Variants in NTNG1 observed in about 807,000 individuals in gnomAD.
NTNG1 encodes the protein netrin G1, also known as netrin-G1.
A neutral mutation model predicts 54.0 loss-of-function variants in NTNG1; 16 were observed. The ratio of observed to expected loss-of-function variants is 0.30; its 90% CI spans 0.20 to 0.45. The LOEUF (loss-of-function observed/expected upper bound fraction) is 0.45, where lower values mean the gene tolerates loss of function less well. Among genes scored for constraint, NTNG1 ranks in the 20% least tolerant of loss-of-function variants. The pLI is 1.00. For missense variants in NTNG1, 530 were observed against 678.7 expected, an observed-to-expected ratio of 0.78 and a Z score of 2.43; for synonymous variants, 255 against 263.1, an observed-to-expected ratio of 0.97 and a Z score of 0.30.
At chr1:107,294,571 A>G (rs1275367540) in intron 2 of NTNG1, among the ~76,000 whole-genome samples, 1 of 152,200 alleles carries the variant, frequency 6.6e-6, no homozygotes, top group Non-Finnish European at 1.5e-5. Flanking sequence ...AATCGGTAAT[A>G]GCACCTTCAC....
intron 3 of NTNG1, among the ~76,000 whole-genome samples, chr1:107,353,157 A>T (rs1325185791): frequency 6.6e-6 from 1 of 152,182 alleles, no homozygotes; most frequent in Non-Finnish European, 1.5e-5. Flanking sequence ...TCTCCTAAAA[A>T]TGGGCTTTTC....
chr1:107,383,466 G>A (rs900083703), intron 3 of NTNG1, among the ~76,000 whole-genome samples: 1 of 152,170 alleles, frequency 6.6e-6, no homozygotes, highest in East Asian at 1.9e-4. Flanking sequence ...TTTCACTTAT[G>A]TGGTTCTATA....
At chr1:107,404,984 A>C (rs1417192709) in intron 4 of NTNG1, among the ~76,000 whole-genome samples, 1 of 152,092 alleles carries the variant, frequency 6.6e-6, no homozygotes, top group African/African-American at 2.4e-5. Flanking sequence ...TGTAAGATGG[A>C]ATTGCATTCA....
intron 2 of NTNG1, among the ~76,000 whole-genome samples, chr1:107,242,898 TAAAA>T (rs1186063170): frequency 2.0e-5 from 3 of 152,136 alleles, no homozygotes; most frequent in African/African-American, 7.2e-5. Context: ...AACAAAATAA[TAAAA>T]AGCCTTATTT....
chr1:107,459,381 T>C (rs1032199165), intron 7 of NTNG1, among the ~76,000 whole-genome samples: 1 of 152,132 alleles, frequency 6.6e-6, no homozygotes, highest in Non-Finnish European at 1.5e-5. Context: ...ATAGAATACA[T>C]ACTTTCAGAA....
At chr1:107,157,559 C>G (rs1379603309) in intron 2 of NTNG1, among the ~76,000 whole-genome samples, 1 of 152,046 alleles carries the variant, frequency 6.6e-6, no homozygotes, top group Non-Finnish European at 1.5e-5. Context: ...AGAATAATGA[C>G]AAAATTATCT....
intron 6 of NTNG1, 71 bp downstream of exon 6, chr1:107,430,988 G>T: frequency 6.8e-7 from 1 of 1,472,412 alleles, no homozygotes; most frequent in Non-Finnish European, 9.3e-7. Flanking sequence ...AGGGTGGAGA[G>T]GCTGGCGATT....
intron 3 of NTNG1, among the ~76,000 whole-genome samples, chr1:107,360,845 C>T (rs1226941920): frequency 1.3e-5 from 2 of 152,112 alleles, no homozygotes; most frequent in Non-Finnish European, 2.9e-5. Context: ...TCACCAGTCA[C>T]TGAGTATCTC....
chr1:107,433,566 A>G (rs1293868836), intron 6 of NTNG1, among the ~76,000 whole-genome samples: 1 of 152,178 alleles, frequency 6.6e-6, no homozygotes, highest in African/African-American at 2.4e-5. Context: ...AAAATAAAAT[A>G]AAAAGTAATA....
At chr1:107,414,072 C>A (rs886363053) in intron 5 of NTNG1, among the ~76,000 whole-genome samples, 1 of 152,196 alleles carries the variant, frequency 6.6e-6, no homozygotes, top group Non-Finnish European at 1.5e-5. Context: ...AACTCTACCT[C>A]TAAAGCTTTC....
chr1:107,353,178 C>T (rs532988274), intron 3 of NTNG1, among the ~76,000 whole-genome samples: 1 of 152,302 alleles, frequency 6.6e-6, no homozygotes, highest in South Asian at 2.1e-4. Context: ...TTTTCTACCA[C>T]ATGGCCAGGC....
At chr1:107,457,470 T>C (rs1158411963) in intron 7 of NTNG1, among the ~76,000 whole-genome samples, 3 of 152,230 alleles carry the variant, frequency 2.0e-5, no homozygotes, top group African/African-American at 7.2e-5. Flanking sequence ...TGTGTGATTA[T>C]GCTCAATTAA....
At chr1:107,259,502 A>C in intron 2 of NTNG1, among the ~76,000 whole-genome samples, 1 of 152,370 alleles carries the variant, frequency 6.6e-6, no homozygotes, top group East Asian at 1.9e-4. Context: ...CATTTAGTTT[A>C]ACTCTGAACT....
At chr1:107,319,565 G>A (rs2101863262) in intron 2 of NTNG1, among the ~76,000 whole-genome samples, 1 of 152,192 alleles carries the variant, frequency 6.6e-6, no homozygotes, top group East Asian at 1.9e-4. Context: ...TTGCCTTTGT[G>A]TCTTTTTTGA....
At chr1:107,247,693 A>T (rs1662294297) in intron 2 of NTNG1, among the ~76,000 whole-genome samples, 1 of 152,234 alleles carries the variant, frequency 6.6e-6, no homozygotes, top group South Asian at 2.1e-4. Flanking sequence ...CATTTGCCAC[A>T]TAAAGGAGAA....
At chr1:107,219,659 A>T (rs1660213634) in intron 2 of NTNG1, among the ~76,000 whole-genome samples, 1 of 152,128 alleles carries the variant, frequency 6.6e-6, no homozygotes, top group Non-Finnish European at 1.5e-5. Flanking sequence ...TGAGAGCTGA[A>T]CTAACTGTAG....
chr1:107,364,419 T>C (rs1409070084), intron 3 of NTNG1, among the ~76,000 whole-genome samples: 1 of 152,240 alleles, frequency 6.6e-6, no homozygotes, highest in African/African-American at 2.4e-5. Context: ...AGTGAAGACC[T>C]TCATAATAAA....
At chr1:107,232,596 T>C (rs983809178) in intron 2 of NTNG1, among the ~76,000 whole-genome samples, 5 of 152,214 alleles carry the variant, frequency 3.3e-5, no homozygotes, top group South Asian at 2.1e-4. Flanking sequence ...AAACGGTATA[T>C]TTATTTATAT....
chr1:107,462,977 A>G (rs1467414080), intron 7 of NTNG1, among the ~76,000 whole-genome samples: 1 of 152,164 alleles, frequency 6.6e-6, no homozygotes, highest in African/African-American at 2.4e-5. Context: ...CAATCCTTGC[A>G]ATTTCTCCCA....
Sources: gnomAD v4.1 joint callset for allele counts (sites outside exome capture counted in the v4.1 genomes callset) on GRCh38, gnomAD v4.1.1 for gene constraint, MANE v1.5 for transcripts, NCBI Gene and HGNC (gene_info 2026-07-23, HGNC 2026-07-21) for gene names.